Variants in ZNF516 observed in about 807,000 individuals in gnomAD.
ZNF516 encodes the protein zinc finger protein 516.
A neutral mutation model predicts 79.7 loss-of-function variants in ZNF516; 19 were observed. That is an observed-to-expected ratio of 0.24 (90% CI 0.17 to 0.35). The LOEUF is 0.35. Ranked by LOEUF, ZNF516 falls within the 10% of genes least tolerant of loss-of-function variation. The pLI, the probability that ZNF516 is intolerant of heterozygous loss-of-function variation, is 1.00. For synonymous variants in ZNF516, 877 were observed against 739.5 expected (o/e 1.19, Z -3.02); for missense variants, 1,678 against 1,679.5 (o/e 1.00, Z 0.02).
intron 1 of ZNF516, among the ~76,000 whole-genome samples, chr18:76,474,063 A>T (rs562460574): frequency 1.4e-4 from 22 of 152,276 alleles, no homozygotes; most frequent in African/African-American, 4.6e-4. Flanking sequence ...TTACACTTTT[A>T]AGTCAAATAA....
Position 76,451,885 on chromosome 18 carries a change from T to A in ZNF516, c.-157-8674A>T, listed in dbSNP as rs1295750048. 6.6e-6 allele frequency among the ~76,000 whole-genome samples: 1 copy of A among 152,192 alleles called. No homozygotes were observed. Among genetic ancestry groups the A allele is most frequent in the African/African-American group, 2.4e-5 (1 of 41,444 alleles). On this transcript the variant is annotated intron_variant, in intron 2 of 6. Coordinates refer to ENST00000443185, the MANE Select transcript of ZNF516 (RefSeq NM_014643.4). The surrounding 1 kb of genome is among the most constrained non-coding windows in gnomAD (Gnocchi z 6.0). Reference sequence around the variant, plus strand: ...GTTCCTCTCCCTACAAACCATTCTGTACACCAGTAACAATTACAGGCTTAT... The same window carrying A: ...GTTCCTCTCCCTACAAACCATTCTGAACACCAGTAACAATTACAGGCTTAT...
intron 3 of ZNF516, among the ~76,000 whole-genome samples, chr18:76,440,729 T>C (rs2075803207): frequency 1.2e-5 from 1 of 86,562 alleles, no homozygotes; most frequent in Admixed American, 1.4e-4. Flanking sequence ...GAGGAAAGTG[T>C]GTGTGTGTGT....
intron 3 of ZNF516, among the ~76,000 whole-genome samples, chr18:76,404,892 G>C (rs8087557): frequency 0.33 from 50,224 of 152,066 alleles, 8,645 homozygotes; most frequent in East Asian, 0.48. Context: ...ATGACTGTGA[G>C]TAGGAGCGTG....
chr18:76,493,914 A>T lies in ZNF516; in HGVS notation c.-272+1230T>A, dbSNP rs1278234746. 6.6e-6 allele frequency: 1 copy of T among 152,210 alleles called. No individual in the cohort carries two copies. The highest frequency in any genetic ancestry group is 1.5e-5 in the Non-Finnish European group (1 of 68,026). 9.4% of individuals were successfully genotyped at this position (152,210 alleles called of 1,614,324 possible). On this transcript the variant is annotated intron_variant, in intron 1 of 6. Coordinates refer to ENST00000443185, the MANE Select transcript of ZNF516 (RefSeq NM_014643.4). The surrounding 1 kb of genome is among the most constrained non-coding windows in gnomAD (Gnocchi z 5.2). ...AATAAAGCACAGAATGAATATATTT[A>T]AAAAGAGGGCTGCGCAAGTTGATCT...
At chr18:76,375,688 C>T (rs996540082) in intron 4 of ZNF516, among the ~76,000 whole-genome samples, 4 of 141,586 alleles carry the variant, frequency 2.8e-5, no homozygotes, top group Non-Finnish European at 6.1e-5. Flanking sequence ...GGGAAGGCCC[C>T]GAAGACCAGG....
intron 3 of ZNF516, among the ~76,000 whole-genome samples, chr18:76,411,143 A>C (rs1010086266): frequency 2.6e-5 from 4 of 152,244 alleles, no homozygotes; most frequent in African/African-American, 9.6e-5. Context: ...TCCGGGATGG[A>C]AACGGTCTCT....
chr18:76,398,593 CA>C (rs1423387610), intron 3 of ZNF516, among the ~76,000 whole-genome samples: 1 of 152,110 alleles, frequency 6.6e-6, no homozygotes, highest in Non-Finnish European at 1.5e-5. Flanking sequence ...AAGCCAGGCC[CA>C]TAACACTAGT....
At chr18:76,378,803 T>G (rs1330056363) in intron 4 of ZNF516, 52 bp downstream of exon 4, 8 of 1,561,590 alleles carry the variant, frequency 5.1e-6, no homozygotes, top group East Asian at 2.3e-5. Flanking sequence ...CCTCCGGGGG[T>G]GGTTCTGGGG....
At position 76,361,262 on chromosome 18, in the gene ZNF516, T is replaced by C. The variant is rs1045169863; in HGVS notation, c.*1236A>G. On this transcript the variant is annotated 3_prime_UTR_variant, in exon 7 of 7. Transcript: ENST00000443185. ...GTCACGGCAATGGGAAAAGAAAATA[T>C]TTATATCTGTGGAATACCATTTCAA... 7 of 152,164 alleles carry C rather than the reference T, an allele frequency of 4.6e-5. No homozygotes were observed. Among genetic ancestry groups the C allele is most frequent in the South Asian group, 2.1e-4 (1 of 4,836 alleles). The allele number at this position is 152,164 out of a possible 1,614,324, so 9.4% of individuals were successfully genotyped here. A position where few individuals can be genotyped will look rare whatever the true frequency, so the allele number is the denominator to read the frequency against.
At chr18:76,411,710 A>G (rs1314076565) in intron 3 of ZNF516, among the ~76,000 whole-genome samples, 1 of 152,182 alleles carries the variant, frequency 6.6e-6, no homozygotes, top group Non-Finnish European at 1.5e-5. Flanking sequence ...AGGGCTCAGA[A>G]GGCTCCAAAG....
intron 1 of ZNF516, among the ~76,000 whole-genome samples, chr18:76,465,099 G>A (rs867745166): frequency 3.9e-5 from 6 of 152,350 alleles, no homozygotes; most frequent in Admixed American, 1.3e-4. Flanking sequence ...GGCATGCATC[G>A]TACACCAAAA....
intron 3 of ZNF516, among the ~76,000 whole-genome samples, chr18:76,383,162 A>G (rs1295655702): frequency 6.6e-6 from 1 of 151,952 alleles, no homozygotes; most frequent in East Asian, 1.9e-4. Context: ...CCACCCCAGG[A>G]GGGCGGGAGA....
intron 3 of ZNF516, chr18:76,388,524 G>C (rs1036393690): frequency 6.6e-6 from 1 of 152,086 alleles, no homozygotes; most frequent in African/African-American, 2.4e-5. Context: ...AGGTCTCAGA[G>C]GTTGCTGCAG....
intron 1 of ZNF516, among the ~76,000 whole-genome samples, chr18:76,474,102 T>C (rs1041547153): frequency 6.6e-6 from 1 of 152,012 alleles, no homozygotes; most frequent in Non-Finnish European, 1.5e-5. Context: ...CAGAATAAAA[T>C]GCATTTAGAA....
intron 3 of ZNF516, among the ~76,000 whole-genome samples, chr18:76,439,532 T>C (rs184751650): frequency 8.5e-5 from 13 of 152,328 alleles, no homozygotes; most frequent in Admixed American, 2.6e-4. Flanking sequence ...GAGAAAAATA[T>C]ATATAATGTC....
chr18:76,401,064 T>C (rs556096466), intron 3 of ZNF516, among the ~76,000 whole-genome samples: 17 of 152,306 alleles, frequency 1.1e-4, no homozygotes, highest in African/African-American at 4.1e-4. Flanking sequence ...GTATTTTCCT[T>C]TCCTGTACAT....
At chr18:76,406,018 G>A (rs1371459227) in intron 3 of ZNF516, among the ~76,000 whole-genome samples, 3 of 152,104 alleles carry the variant, frequency 2.0e-5, no homozygotes, top group East Asian at 1.9e-4. Flanking sequence ...CACGGGAGGC[G>A]TGCTCAAGCG....
intron 2 of ZNF516, among the ~76,000 whole-genome samples, chr18:76,450,774 C>T (rs182446892): frequency 1.1e-3 from 165 of 152,260 alleles, no homozygotes; most frequent in Non-Finnish European, 1.6e-3. Context: ...ATGGCGTTAT[C>T]AGGGAAAAAC....
At chr18:76,382,931 G>A (rs1009514592) in intron 3 of ZNF516, among the ~76,000 whole-genome samples, 1 of 151,420 alleles carries the variant, frequency 6.6e-6, no homozygotes, top group African/African-American at 2.4e-5. Context: ...CTCTAATCCC[G>A]AGGCTGAGGC....
Sources: gnomAD v4.1 joint callset for allele counts (sites outside exome capture counted in the v4.1 genomes callset) on GRCh38, gnomAD v4.1.1 for gene constraint, Gnocchi (gnomAD v3.1) non-coding constraint, MANE v1.5 for transcripts, NCBI Gene and HGNC (gene_info 2026-07-23, HGNC 2026-07-21) for gene names.